CDH18: variants seen among roughly 807,000 people sequenced by gnomAD.
The protein encoded by CDH18 is cadherin-18.
Under a neutral mutation model 67.9 loss-of-function variants are expected in CDH18, and 31 were observed. That is an observed-to-expected ratio of 0.46 (90% confidence interval 0.34 to 0.62). The LOEUF is 0.62. CDH18 is among the 20% of genes least tolerant of loss of function. CDH18 has a pLI of 0.01. For missense variants in CDH18, 890 were observed against 975.5 expected, an observed-to-expected ratio of 0.91 and a Z score of 1.17; for synonymous variants, 362 against 347.2, an observed-to-expected ratio of 1.04 and a Z score of -0.48.
chr5:19,819,033 G>T (rs1581491610), intron 3 of CDH18, among the ~76,000 whole-genome samples: 1 of 151,718 alleles, frequency 6.6e-6, no homozygotes, highest in East Asian at 1.9e-4. Flanking sequence ...GTGACTTATG[G>T]ATTATCATAT....
In CDH18 at chr5:19,853,038, G is replaced by T. The variant is rs1783888934; in HGVS notation, c.-256-13796C>A. 1.3e-5 allele frequency among the ~76,000 whole-genome samples: 2 copies of T among 152,086 alleles called. 1 individual carries two copies. Among genetic ancestry groups the T allele is most frequent in the South Asian group, 4.1e-4 (2 of 4,830 alleles). ...AAAGAATAAAAAAAATACTTGCAAT[G>T]CCTCCTCCAGTAAAACTGTGAGAGG... is the stretch of plus-strand genomic sequence containing the variant. On this transcript the variant is annotated intron_variant, in intron 2 of 12. Coordinates refer to ENST00000382275, the MANE Select transcript of CDH18 (RefSeq NM_004934.5).
At chr5:19,569,144 C>A (rs1400992271) in intron 8 of CDH18, among the ~76,000 whole-genome samples, 1 of 152,156 alleles carries the variant, frequency 6.6e-6, no homozygotes, top group Non-Finnish European at 1.5e-5. Flanking sequence ...ATTGGCATTG[C>A]TGCCAGGATT....
intron 2 of CDH18, among the ~76,000 whole-genome samples, chr5:20,243,496 A>AT (rs1156705744): frequency 1.3e-5 from 2 of 152,094 alleles, no homozygotes; most frequent in Non-Finnish European, 2.9e-5. Context: ...AAACAAAGAC[A>AT]TTTTTTCACA....
intron 1 of CDH18, among the ~76,000 whole-genome samples, chr5:20,279,139 A>G (rs376419250): frequency 6.6e-6 from 1 of 152,056 alleles, no homozygotes; most frequent in African/African-American, 2.4e-5. Flanking sequence ...AGACTCAAAG[A>G]TCTGCTACCT....
chr5:20,496,272 GT>G (rs1356048746), intron 1 of CDH18, among the ~76,000 whole-genome samples: 1 of 152,048 alleles, frequency 6.6e-6, no homozygotes, highest in Non-Finnish European at 1.5e-5. Flanking sequence ...TTATCTTTAG[GT>G]TTCTACAGCT....
At chr5:20,530,117 A>G (rs1487645505) in intron 1 of CDH18, among the ~76,000 whole-genome samples, 1 of 152,052 alleles carries the variant, frequency 6.6e-6, no homozygotes, top group South Asian at 2.1e-4. Flanking sequence ...GAGCCAAATC[A>G]TGAATGAACT....
chr5:19,499,835 G>A (rs1370395415), intron 11 of CDH18, among the ~76,000 whole-genome samples: 1 of 151,696 alleles, frequency 6.6e-6, no homozygotes. Flanking sequence ...CTGTTTCTGT[G>A]CCCTTGCTTT....
intron 2 of CDH18, among the ~76,000 whole-genome samples, chr5:19,953,582 TA>T (rs1352083659): frequency 6.6e-6 from 1 of 152,054 alleles, no homozygotes; most frequent in Admixed American, 6.6e-5. Context: ...AGACAAGACT[TA>T]AAAAGTAATG....
At chr5:20,528,383 C>T (rs528817335) in intron 1 of CDH18, among the ~76,000 whole-genome samples, 15 of 151,986 alleles carry the variant, frequency 9.9e-5, no homozygotes, top group Non-Finnish European at 1.8e-4. Flanking sequence ...AACTTGAACT[C>T]AGCTCTGGAC....
At chr5:19,600,430 A>C (rs1228699976) in intron 6 of CDH18, among the ~76,000 whole-genome samples, 2 of 151,562 alleles carry the variant, frequency 1.3e-5, no homozygotes, top group Middle Eastern at 3.4e-3. Flanking sequence ...ATTAACTTAT[A>C]TCTACTGAGC....
intron 5 of CDH18, among the ~76,000 whole-genome samples, chr5:19,631,582 A>G (rs550310104): frequency 2.0e-4 from 30 of 152,268 alleles, no homozygotes; most frequent in Middle Eastern, 3.4e-3. Context: ...ACAAAAAAAA[A>G]TACTTAAAAC....
At chr5:20,021,349 G>A (rs753238013) in intron 2 of CDH18, among the ~76,000 whole-genome samples, 38 of 152,112 alleles carry the variant, frequency 2.5e-4, no homozygotes, top group Non-Finnish European at 7.4e-5. Flanking sequence ...GAGGAAGATT[G>A]TACTTTGCAA....
At chr5:20,137,398 T>C (rs1749823278) in intron 2 of CDH18, among the ~76,000 whole-genome samples, 1 of 152,170 alleles carries the variant, frequency 6.6e-6, no homozygotes, top group Non-Finnish European at 1.5e-5. Context: ...TGTGCATGCA[T>C]CATTTAGTTC....
chr5:20,497,638 C>T (rs1753989846), intron 1 of CDH18, among the ~76,000 whole-genome samples: 2 of 152,060 alleles, frequency 1.3e-5, no homozygotes, highest in Non-Finnish European at 2.9e-5. Context: ...TTAAACAATG[C>T]ATGACTGTAG....
At chr5:20,219,601 C>A (rs772649609) in intron 2 of CDH18, among the ~76,000 whole-genome samples, 29 of 150,958 alleles carry the variant, frequency 1.9e-4, no homozygotes, top group Non-Finnish European at 3.7e-4. Context: ...ACTAGCAAAC[C>A]AAACTCAAAC....
chr5:20,289,916 C>A (rs1437009595), intron 1 of CDH18, among the ~76,000 whole-genome samples: 3 of 151,944 alleles, frequency 2.0e-5, no homozygotes, highest in Non-Finnish European at 4.4e-5. Context: ...GTTTTCATAA[C>A]CTAATCGCTT....
intron 2 of CDH18, among the ~76,000 whole-genome samples, chr5:20,234,965 T>C (rs1042713015): frequency 6.6e-6 from 1 of 151,992 alleles, no homozygotes; most frequent in African/African-American, 2.4e-5. Flanking sequence ...GCAAGGGCGG[T>C]ATCCAATCTA....
At chr5:20,551,450 T>G (rs888666449) in intron 1 of CDH18, among the ~76,000 whole-genome samples, 1 of 152,164 alleles carries the variant, frequency 6.6e-6, no homozygotes, top group African/African-American at 2.4e-5. Context: ...TGTTGCAAGT[T>G]AAGGTTGTGA....
chr5:19,913,362 T>G (rs553869967), intron 2 of CDH18, among the ~76,000 whole-genome samples: 1 of 152,240 alleles, frequency 6.6e-6, no homozygotes, highest in South Asian at 2.1e-4. Flanking sequence ...GGAATTGGTG[T>G]GTAGGGGTAA....
Sources: gnomAD v4.1 joint callset for allele counts (sites outside exome capture counted in the v4.1 genomes callset) on GRCh38, gnomAD v4.1.1 for gene constraint, MANE v1.5 for transcripts, NCBI Gene and HGNC (gene_info 2026-07-23, HGNC 2026-07-21) for gene names.